The following DPYD variants were observed in gnomAD, a reference collection of about 807,000 sequenced individuals.
DPYD encodes dihydropyrimidine dehydrogenase [NADP(+)].
Under a neutral mutation model 116.2 loss-of-function variants are expected in DPYD, and 109 were observed. The ratio of observed to expected loss-of-function variants is 0.94; its 90% confidence interval spans 0.80 to 1.10. The LOEUF (loss-of-function observed/expected upper bound fraction) is 1.10. DPYD is among the 50% of genes least tolerant of loss of function. The pLI, the probability that DPYD is intolerant of heterozygous loss-of-function variation, is 0.00. For synonymous variants in DPYD, 440 were observed against 432.0 expected, an observed-to-expected ratio of 1.02 and a Z score of -0.23; for missense variants, 1,302 against 1,254.5, an observed-to-expected ratio of 1.04 and a Z score of -0.57.
At chr1:97,560,558 CAAA>C (rs67653141) in intron 11 of DPYD, among the ~76,000 whole-genome samples, 208 of 111,468 alleles carry the variant, frequency 1.9e-3, no homozygotes, top group African/African-American at 5.1e-3. Flanking sequence ...ATTCAATTAG[CAAA>C]AAAAAAAAAA....
At chr1:97,820,438 G>GAAAC (rs1668862915) in intron 3 of DPYD, among the ~76,000 whole-genome samples, 1 of 152,092 alleles carries the variant, frequency 6.6e-6, no homozygotes, top group South Asian at 2.1e-4. Context: ...TGAAGGTAAA[G>GAAAC]AAACAATGAC....
At chr1:97,787,226 T>C (rs540950664) in intron 3 of DPYD, among the ~76,000 whole-genome samples, 16 of 152,346 alleles carry the variant, frequency 1.1e-4, no homozygotes, top group Admixed American at 8.5e-4. Flanking sequence ...ATACTTGATA[T>C]TGGCAGTGAA....
intron 13 of DPYD, among the ~76,000 whole-genome samples, chr1:97,473,479 C>T (rs779279691): frequency 1.3e-4 from 20 of 151,986 alleles, no homozygotes; most frequent in Non-Finnish European, 2.6e-4. Flanking sequence ...TCAAATGACT[C>T]GAATAGAGAT....
At chr1:97,709,778 T>C (rs2100998545) in intron 5 of DPYD, among the ~76,000 whole-genome samples, 1 of 151,988 alleles carries the variant, frequency 6.6e-6, no homozygotes, top group South Asian at 2.1e-4. Context: ...TATTTACCAA[T>C]TCAAATTTGA....
chr1:97,390,397 T>G (rs998141546), intron 14 of DPYD, among the ~76,000 whole-genome samples: 1 of 152,034 alleles, frequency 6.6e-6, no homozygotes, highest in Non-Finnish European at 1.5e-5. Flanking sequence ...TCAAAGACAT[T>G]TAAACAAAGA....
At position 97,679,150 on chromosome 1, in the gene DPYD, T is replaced by C. The variant is rs766962931; in HGVS notation, c.795A>G (p.Glu265=). The change falls in exon 8 of 23, where the codon GAA becomes GAG. Residue 265 remains glutamate, a synonymous_variant. Coordinates refer to ENST00000370192, the MANE Select transcript of DPYD (RefSeq NM_000110.4). ...IICGKSLSVN[E]MTLSTLKEKG... ...TTTCTTTCAAAGTGCTAAGAGTCAT[T>C]TCATTCACTGAAAGGCTTTTACCGC... The C allele has an allele frequency of 1.9e-6, 3 of 1,590,346 alleles. No homozygotes were observed. Among genetic ancestry groups the C allele is most frequent in the East Asian group, 4.5e-5 (2 of 44,576 alleles).
intron 1 of DPYD, among the ~76,000 whole-genome samples, 193 bp from the exon 2 acceptor site, chr1:97,883,567 C>A (rs561990309): frequency 9.1e-4 from 138 of 152,150 alleles, no homozygotes; most frequent in Middle Eastern, 3.4e-3. Flanking sequence ...CCACCTTAGT[C>A]TCCCAAGTAG....
intron 8 of DPYD, among the ~76,000 whole-genome samples, chr1:97,619,969 G>C (rs1302957994): frequency 6.6e-6 from 1 of 151,452 alleles, no homozygotes; most frequent in East Asian, 1.9e-4. Flanking sequence ...GCTGAAAGCT[G>C]TAAGAACCGT....
At chr1:97,778,155 C>CAA (rs11434465) in intron 3 of DPYD, among the ~76,000 whole-genome samples, 10 of 11,036 alleles carry the variant, frequency 9.1e-4, no homozygotes, top group South Asian at 0.012. Context: ...AAGACCCTGT[C>CAA]AAAAAAAAAA....
At chr1:97,301,179 TGA>T (rs756165930) in intron 18 of DPYD, among the ~76,000 whole-genome samples, 1 of 152,048 alleles carries the variant, frequency 6.6e-6, no homozygotes, top group Non-Finnish European at 1.5e-5. Flanking sequence ...ATAACCTCTA[TGA>T]GAGGAGTAAC....
chr1:97,173,715 G>C (rs1459961762), intron 20 of DPYD, among the ~76,000 whole-genome samples: 3 of 150,070 alleles, frequency 2.0e-5, no homozygotes, highest in Non-Finnish European at 4.4e-5. Flanking sequence ...AAGTTTCTGA[G>C]GCAGGGATAT....
At chr1:97,148,901 A>G (rs1157854254) in intron 20 of DPYD, among the ~76,000 whole-genome samples, 1 of 152,234 alleles carries the variant, frequency 6.6e-6, no homozygotes, top group Non-Finnish European at 1.5e-5. Flanking sequence ...CAACTCAGTT[A>G]TAAGCTCTTA....
intron 14 of DPYD, among the ~76,000 whole-genome samples, chr1:97,389,040 T>C (rs1672519519): frequency 1.3e-5 from 2 of 152,080 alleles, no homozygotes; most frequent in African/African-American, 4.8e-5. Context: ...TCATTCTTCT[T>C]GGTGTCTACA....
chr1:97,502,626 A>G (rs1557756916), intron 13 of DPYD, among the ~76,000 whole-genome samples: 1 of 152,040 alleles, frequency 6.6e-6, no homozygotes, highest in Non-Finnish European at 1.5e-5. Context: ...TAAGAGTAGA[A>G]GCAGCAAGAC....
intron 14 of DPYD, among the ~76,000 whole-genome samples, chr1:97,437,370 A>G (rs753019939): frequency 6.6e-6 from 1 of 151,428 alleles, no homozygotes; most frequent in Non-Finnish European, 1.5e-5. Context: ...TGTTGTGTGT[A>G]TAATAGTTCA....
intron 13 of DPYD, among the ~76,000 whole-genome samples, chr1:97,482,958 A>G (rs972053571): frequency 6.6e-6 from 1 of 152,200 alleles, no homozygotes; most frequent in African/African-American, 2.4e-5. Flanking sequence ...ACCAAATAGC[A>G]GTCTGTAATC....
At chr1:97,253,520 C>T (rs1339407451) in intron 18 of DPYD, among the ~76,000 whole-genome samples, 1 of 152,054 alleles carries the variant, frequency 6.6e-6, no homozygotes, top group Non-Finnish European at 1.5e-5. Context: ...TAAGTGTTTC[C>T]CTTTAATTTC....
chr1:97,870,651 C>T (rs1390280521), intron 2 of DPYD, among the ~76,000 whole-genome samples: 1 of 151,754 alleles, frequency 6.6e-6, no homozygotes, highest in Non-Finnish European at 1.5e-5. Context: ...TTTCAATAGG[C>T]TCTAATGTAA....
chr1:97,308,590 A>T (rs1198977046), intron 16 of DPYD, among the ~76,000 whole-genome samples: 2 of 151,880 alleles, frequency 1.3e-5, no homozygotes, highest in South Asian at 2.1e-4. Flanking sequence ...TCATGAAATG[A>T]ATCTATATAC....
Sources: gnomAD v4.1 joint callset for allele counts (sites outside exome capture counted in the v4.1 genomes callset) on GRCh38, gnomAD v4.1.1 for gene constraint, MANE v1.5 for transcripts, NCBI Gene and HGNC (gene_info 2026-07-23, HGNC 2026-07-21) for gene names.